The following EYS variants were observed in gnomAD, a reference collection of about 807,000 sequenced individuals.
The protein encoded by EYS is protein eyes shut homolog.
A neutral mutation model predicts 282.1 loss-of-function variants in EYS; 250 were observed. That is an observed-to-expected ratio of 0.89 (90% confidence interval 0.80 to 0.98). EYS has a LOEUF of 0.98. Among genes scored for constraint, EYS ranks in the 50% least tolerant of loss-of-function variants. EYS has a pLI of 0.00. For missense variants in EYS, 4,016 were observed against 3,709.0 expected (o/e 1.08, Z -2.15); for synonymous variants, 1,355 against 1,282.9 (o/e 1.06, Z -1.20).
At chr6:64,599,054 A>G (rs1223171230) in intron 24 of EYS, among the ~76,000 whole-genome samples, 4 of 152,358 alleles carry the variant, frequency 2.6e-5, no homozygotes, top group African/African-American at 9.6e-5. Flanking sequence ...AAGGCCATGT[A>G]GGTAGAAATG....
rs553785515 is a variant in EYS at position 65,132,521 on chromosome 6, T to C, written c.2024-74794A>G. 7.2e-5 allele frequency among the ~76,000 whole-genome samples: 11 copies of C among 151,932 alleles called. 1 individual carries two copies. The South Asian group carries it at 2.3e-3, about 32-fold the overall frequency. On this transcript the variant is annotated intron_variant, in intron 12 of 42. Coordinates refer to ENST00000503581, the MANE Select transcript of EYS (RefSeq NM_001142800.2). ...CAATAAAATTCAAAATCTCTTCATG[T>C]TAAAAACTCTCAACAAACTAGGTAT...
In EYS at chr6:64,204,573, G is replaced by T. The variant is rs550417026; in HGVS notation, c.6424+26019C>A. On this transcript the variant is annotated intron_variant, in intron 31 of 42. Transcript: ENST00000503581. Reference sequence around the variant, plus strand: ...AAAAATGGATGAATCTCAAAAACACGCTGCAAGACTTGCATAGTAGTACAT... The same window carrying T: ...AAAAATGGATGAATCTCAAAAACACTCTGCAAGACTTGCATAGTAGTACAT... 1.1e-3 allele frequency among the ~76,000 whole-genome samples: 173 copies of T among 152,002 alleles called. 1 individual carries two copies. The highest frequency in any genetic ancestry group is 3.2e-3 in the Middle Eastern group (1 of 316).
intron 12 of EYS, among the ~76,000 whole-genome samples, chr6:65,111,466 C>T (rs1049367497): frequency 3.9e-5 from 6 of 152,114 alleles, no homozygotes; most frequent in African/African-American, 1.2e-4. Context: ...AATTCATTTT[C>T]TTTTCTTGGA....
At chr6:65,471,816 A>G (rs1371090431) in intron 5 of EYS, among the ~76,000 whole-genome samples, 2 of 152,158 alleles carry the variant, frequency 1.3e-5, no homozygotes, top group Non-Finnish European at 2.9e-5. Context: ...AAGATATTTT[A>G]ACCTTAAGAT....
chr6:64,359,364 T>G (rs1307031092), intron 29 of EYS, among the ~76,000 whole-genome samples: 1 of 151,736 alleles, frequency 6.6e-6, no homozygotes, highest in African/African-American at 2.4e-5. Context: ...TTCTCATATT[T>G]GAATAGCTTT....
intron 19 of EYS, among the ~76,000 whole-genome samples, chr6:64,879,883 T>C (rs1350883437): frequency 6.6e-6 from 1 of 152,014 alleles, no homozygotes; most frequent in Non-Finnish European, 1.5e-5. Flanking sequence ...GAAATGGTAG[T>C]ATAATTGTGC....
intron 36 of EYS, among the ~76,000 whole-genome samples, chr6:63,811,748 C>T (rs1771051821): frequency 6.6e-6 from 1 of 152,164 alleles, no homozygotes; most frequent in African/African-American, 2.4e-5. Context: ...ATTCTTTCCC[C>T]CAACCCAAAT....
chr6:64,230,718 G>GTGCTGCA lies in EYS; in HGVS notation c.6291_6297dup (p.Pro2100CysfsTer32). ...CATACATCCTGCTGGCACACAGAGG[G>GTGCTGCA]TGCTGCAACAGAGGGGCTGACAGAA... On this transcript the variant is annotated frameshift_variant, in exon 31 of 43. Transcript: ENST00000503581. LOFTEE classifies it high-confidence loss of function. The GTGCTGCA allele has an allele frequency of 6.4e-7, 1 of 1,551,568 alleles. No individual in the cohort carries two copies. Among genetic ancestry groups the GTGCTGCA allele is most frequent in the Non-Finnish European group, 8.7e-7 (1 of 1,146,898 alleles).
chr6:65,536,168 G>A (rs1767957770), intron 2 of EYS, among the ~76,000 whole-genome samples: 1 of 151,988 alleles, frequency 6.6e-6, no homozygotes, highest in South Asian at 2.1e-4. Flanking sequence ...TACGACTATA[G>A]AAGACAAGCA....
intron 22 of EYS, among the ~76,000 whole-genome samples, chr6:64,778,219 G>A (rs906606180): frequency 6.6e-6 from 1 of 152,062 alleles, no homozygotes; most frequent in Admixed American, 6.6e-5. Context: ...TCTTCTAGTA[G>A]TGATCTTACC....
intron 14 of EYS, among the ~76,000 whole-genome samples, chr6:64,993,682 T>A (rs1372284424): frequency 6.6e-6 from 1 of 150,380 alleles, no homozygotes; most frequent in African/African-American, 2.4e-5. Flanking sequence ...CATATGTAAC[T>A]AACCTGCACG....
chr6:64,389,413 T>C (rs923632424), intron 28 of EYS, among the ~76,000 whole-genome samples: 5 of 152,336 alleles, frequency 3.3e-5, no homozygotes, highest in African/African-American at 9.6e-5. Flanking sequence ...AAATACTTTG[T>C]CAATACTTTA....
At chr6:64,707,663 CAAAAAAAA>C (rs59172308) in intron 22 of EYS, among the ~76,000 whole-genome samples, 1 of 100,980 alleles carries the variant, frequency 9.9e-6, no homozygotes, top group East Asian at 2.8e-4. Context: ...AGACTCGTAT[CAAAAAAAA>C]AAAAAAAAAA....
intron 12 of EYS, among the ~76,000 whole-genome samples, chr6:65,279,134 A>T (rs1010621413): frequency 1.8e-4 from 27 of 152,032 alleles, no homozygotes; most frequent in Middle Eastern, 3.2e-3. Context: ...GTTGACAATG[A>T]GCCAAGATCA....
chr6:64,964,726 G>A (rs1024737609), intron 14 of EYS, among the ~76,000 whole-genome samples: 1 of 152,088 alleles, frequency 6.6e-6, no homozygotes, highest in African/African-American at 2.4e-5. Context: ...ATAAAATTGA[G>A]TTCATTGAAA....
intron 35 of EYS, among the ~76,000 whole-genome samples, chr6:63,983,697 C>T (rs1265686443): frequency 6.6e-6 from 1 of 151,732 alleles, no homozygotes; most frequent in Non-Finnish European, 1.5e-5. Flanking sequence ...GTTTCAGCTT[C>T]CATTCTGTCA....
At chr6:64,714,516 C>CTTTTCTTTTTTTTTTTTTT (rs1771311288) in intron 22 of EYS, among the ~76,000 whole-genome samples, 1 of 127,916 alleles carries the variant, frequency 7.8e-6, no homozygotes, top group Non-Finnish European at 1.7e-5. Flanking sequence ...TTCTTTCTTT[C>CTTTTCTTTTTTTTTTTTTT]TTTTTTTTTT....
chr6:64,389,111 T>G (rs1306582129), intron 28 of EYS, among the ~76,000 whole-genome samples: 1 of 152,072 alleles, frequency 6.6e-6, no homozygotes, highest in Non-Finnish European at 1.5e-5. Flanking sequence ...CAATTGTAAC[T>G]GAAACAATGA....
chr6:64,056,943 G>C (rs1398777533), intron 33 of EYS, among the ~76,000 whole-genome samples: 2 of 152,116 alleles, frequency 1.3e-5, no homozygotes, highest in African/African-American at 2.4e-5. Flanking sequence ...AGGGCAGGAT[G>C]GAGTTCTGAT....
Sources: allele counts gnomAD v4.1 joint callset (sites outside exome capture counted in the v4.1 genomes callset), GRCh38; gene constraint gnomAD v4.1.1; transcripts MANE v1.5; gene names NCBI Gene and HGNC (gene_info 2026-07-23, HGNC 2026-07-21).